Variants in CYP39A1 observed in about 807,000 individuals in gnomAD.
CYP39A1 encodes cytochrome P450 family 39 subfamily A member 1.
Under a neutral mutation model 58.1 loss-of-function variants are expected in CYP39A1, and 49 were observed. That is an observed-to-expected ratio of 0.84 (90% CI 0.67 to 1.07). The LOEUF (loss-of-function observed/expected upper bound fraction) is 1.07. CYP39A1 is among the 50% of genes least tolerant of loss of function. The pLI is 0.00. For synonymous variants in CYP39A1, 209 were observed against 187.6 expected (o/e 1.11, Z -0.93); for missense variants, 531 against 539.4 (o/e 0.98, Z 0.16).
intron 8 of CYP39A1, among the ~76,000 whole-genome samples, chr6:46,591,491 A>T (rs1200269028): frequency 6.6e-6 from 1 of 152,066 alleles, no homozygotes; most frequent in South Asian, 2.1e-4. Context: ...TCTTTTTATA[A>T]AATAAATATA....
At chr6:46,614,229 G>A (rs1774396269) in intron 7 of CYP39A1, among the ~76,000 whole-genome samples, 1 of 152,058 alleles carries the variant, frequency 6.6e-6, no homozygotes, top group Non-Finnish European at 1.5e-5. Flanking sequence ...CAGTGGTGAT[G>A]GAAGCCATTA....
Position 46,631,082 on chromosome 6 carries a change from A to G in CYP39A1, c.733-12T>C, listed in dbSNP as rs193093552. 6.3e-7 allele frequency: 1 copy of G among 1,590,244 alleles called. No homozygotes were observed. Among genetic ancestry groups the G allele is most frequent in the East Asian group, 2.2e-5 (1 of 44,762 alleles). ...GCTTGCAATAATGTCTGTTTAAAAG[A>G]AATAAACATTGCCAAACCATGGCTA... is the stretch of plus-strand genomic sequence containing the variant. On this transcript the variant is annotated splice_polypyrimidine_tract_variant and intron_variant, in intron 5 of 11. Coordinates refer to ENST00000275016, the MANE Select transcript of CYP39A1 (RefSeq NM_016593.5).
intron 10 of CYP39A1, among the ~76,000 whole-genome samples, chr6:46,560,585 T>C (rs1026576200): frequency 7.9e-5 from 12 of 152,130 alleles, no homozygotes; most frequent in Non-Finnish European, 1.5e-4. Flanking sequence ...CAGCTCTCTA[T>C]AGACCAGTGC....
chr6:46,629,227 G>A lies in CYP39A1; in HGVS notation c.840+1736C>T, dbSNP rs72868071. Among the ~76,000 whole-genome samples, 1,268 of 152,220 alleles carry A rather than the reference G, an allele frequency of 8.3e-3. 8 individuals carry two copies. Among genetic ancestry groups the A allele is most frequent in the Middle Eastern group, 0.027 (8 of 294 alleles). On this transcript the variant is annotated intron_variant, in intron 6 of 11. Transcript: ENST00000275016. ...ATGATTTAAATCCTTTCAGACCAGC[G>A]CCAAGAACAAATTCCAAAGAACCGA...
At chr6:46,620,616 G>C (rs996840864) in intron 7 of CYP39A1, among the ~76,000 whole-genome samples, 5 of 152,076 alleles carry the variant, frequency 3.3e-5, no homozygotes, top group Admixed American at 1.3e-4. Flanking sequence ...CTCATGTTCA[G>C]GAAAGACATG....
chr6:46,568,678 G>T (rs806489), intron 10 of CYP39A1, among the ~76,000 whole-genome samples: 59,819 of 151,822 alleles, frequency 0.39, 14,769 homozygotes, highest in African/African-American at 0.7. Flanking sequence ...TTAGTATCTT[G>T]GTCAAAAATC....
At chr6:46,557,643 T>TAAA (rs71721488) in intron 10 of CYP39A1, among the ~76,000 whole-genome samples, 38 of 137,848 alleles carry the variant, frequency 2.8e-4, no homozygotes, top group African/African-American at 8.0e-4. Flanking sequence ...ACTCTGTCTT[T>TAAA]AAAAAAAAAA....
chr6:46,624,698 T>C (rs1322537563), intron 7 of CYP39A1, among the ~76,000 whole-genome samples: 1 of 152,200 alleles, frequency 6.6e-6, no homozygotes, highest in African/African-American at 2.4e-5. Context: ...TTATTCTTTT[T>C]ATATCAGGAT....
chr6:46,588,254 A>C, intron 8 of CYP39A1, 125 bp from the exon 9 acceptor site: 2 of 332,154 alleles, frequency 6.0e-6, no homozygotes, highest in Non-Finnish European at 1.1e-5. Context: ...TGAATGTGAG[A>C]AAATCTAATT....
chr6:46,596,104 T>C lies in CYP39A1; in HGVS notation c.948A>G (p.Lys316=). The change falls in exon 8 of 12, where the codon AAA becomes AAG. Residue 316 remains lysine (K), a synonymous_variant. Transcript: ENST00000275016. Reference sequence around the variant, plus strand: ...GATTCTCCAGGTCATCCTCAGACACTTTAATCTTATCTTTGCCTGTAAAAA... The same window carrying C: ...GATTCTCCAGGTCATCCTCAGACACCTTAATCTTATCTTTGCCTGTAAAAA... ...VFGKAGKDKI[K]VSEDDLENLL... 6.2e-7 allele frequency: 1 copy of C among 1,603,546 alleles called. No individual in the cohort carries two copies. Among genetic ancestry groups the C allele is most frequent in the Non-Finnish European group, 8.5e-7 (1 of 1,176,274 alleles).
chr6:46,627,642 TC>T (rs1312387708), intron 6 of CYP39A1, among the ~76,000 whole-genome samples: 1 of 151,986 alleles, frequency 6.6e-6, no homozygotes, highest in African/African-American at 2.4e-5. Context: ...ATGATCTCGA[TC>T]TCCTGACCTT....
At chr6:46,584,612 C>T (rs1427320388) in intron 10 of CYP39A1, among the ~76,000 whole-genome samples, 1 of 152,146 alleles carries the variant, frequency 6.6e-6, no homozygotes, top group East Asian at 1.9e-4. Flanking sequence ...GCCATGTGAG[C>T]TGCATACAAA....
intron 8 of CYP39A1, among the ~76,000 whole-genome samples, chr6:46,594,235 T>C (rs1773010165): frequency 6.6e-6 from 1 of 152,128 alleles, no homozygotes; most frequent in East Asian, 1.9e-4. Flanking sequence ...ACACAACTCT[T>C]ATTAATAACC....
chr6:46,581,743 G>A (rs1313710277), intron 10 of CYP39A1, among the ~76,000 whole-genome samples: 2 of 152,028 alleles, frequency 1.3e-5, no homozygotes, highest in Non-Finnish European at 2.9e-5. Flanking sequence ...ATCTACCCAT[G>A]CAACAAACTT....
At chr6:46,629,831 C>G (rs1030954040) in intron 6 of CYP39A1, among the ~76,000 whole-genome samples, 8 of 152,182 alleles carry the variant, frequency 5.3e-5, no homozygotes, top group African/African-American at 1.9e-4. Context: ...TAAGTAGCAT[C>G]TTAGGCTAAT....
chr6:46,553,829 T>A lies in CYP39A1; in HGVS notation c.1276A>T (p.Met426Leu). 6.2e-7 allele frequency: 1 copy of A among 1,609,382 alleles called. No homozygotes were observed. Among genetic ancestry groups the A allele is most frequent in the South Asian group, 1.1e-5 (1 of 90,428 alleles). ...ARWFALLEVQ[M>L]CIILILYKYD... ...TTATAAAGTATTAAAATAATACACA[T>A]CTGAACCTCTAACAGAGCAAACCAC... The change falls in exon 11 of 12, where the codon ATG (methionine) becomes TTG (leucine). Residue 426 changes from methionine to leucine, a missense_variant. Physicochemically the swap from Met to Leu is conservative, Grantham distance 15. Coordinates refer to ENST00000275016, the MANE Select transcript of CYP39A1 (RefSeq NM_016593.5).
intron 6 of CYP39A1, among the ~76,000 whole-genome samples, chr6:46,625,865 A>T (rs929653306): frequency 1.3e-5 from 2 of 152,090 alleles, no homozygotes; most frequent in Non-Finnish European, 2.9e-5. Flanking sequence ...TAGTTATGAC[A>T]CTTAAGAATA....
chr6:46,552,081 C>G (rs1478760552), intron 11 of CYP39A1, among the ~76,000 whole-genome samples: 1 of 152,076 alleles, frequency 6.6e-6, no homozygotes, highest in African/African-American at 2.4e-5. Context: ...GGAGAAAATG[C>G]TAGGAAAAAT....
At chr6:46,650,187 C>T (rs534226484) in intron 1 of CYP39A1, among the ~76,000 whole-genome samples, 75 of 152,028 alleles carry the variant, frequency 4.9e-4, no homozygotes, top group Non-Finnish European at 7.6e-4. Context: ...TTATTTCATA[C>T]ACAATGAGAC....
Sources: gnomAD v4.1 joint callset for allele counts (sites outside exome capture counted in the v4.1 genomes callset) on GRCh38, gnomAD v4.1.1 for gene constraint, MANE v1.5 for transcripts, NCBI Gene and HGNC (gene_info 2026-07-23, HGNC 2026-07-21) for gene names.